ATXN1: variants seen among roughly 807,000 people sequenced by gnomAD.
ATXN1 encodes ataxin 1.
A neutral mutation model predicts 56.4 loss-of-function variants in ATXN1; 8 were observed. That is an observed-to-expected ratio of 0.14 (90% CI 0.08 to 0.26). The LOEUF (loss-of-function observed/expected upper bound fraction) is 0.26, where lower values mean the gene tolerates loss of function less well. ATXN1 is among the 10% of genes least tolerant of loss of function. ATXN1 has a pLI of 1.00. For missense variants in ATXN1, 987 were observed against 1,106.5 expected (o/e 0.89, Z 1.53); for synonymous variants, 514 against 494.6 (o/e 1.04, Z -0.52).
At chr6:16,725,025 T>C (rs1052568461) in intron 2 of ATXN1, among the ~76,000 whole-genome samples, 2 of 151,820 alleles carry the variant, frequency 1.3e-5, no homozygotes, top group African/African-American at 4.8e-5. Flanking sequence ...GTCAAACCTG[T>C]TAAACTAAAT....
chr6:16,315,717 C>T lies in ATXN1; in HGVS notation c.1918-8858G>A, dbSNP rs145582940. Among the ~76,000 whole-genome samples the T allele has an allele frequency of 3.9e-3, 599 of 152,204 alleles. 2 individuals carry two copies. Among genetic ancestry groups the T allele is most frequent in the African/African-American group, 0.014 (562 of 41,516 alleles). ...TTGTTCTGTTGCCCAGGCTGGAGTA[C>T]AGTAGCATGATCATGGCTCACTGCA... On this transcript the variant is annotated intron_variant, in intron 7 of 7. Coordinates refer to ENST00000436367, the MANE Select transcript of ATXN1 (RefSeq NM_001128164.2).
intron 6 of ATXN1, among the ~76,000 whole-genome samples, chr6:16,377,183 T>C (rs1762156544): frequency 6.6e-6 from 1 of 152,230 alleles, no homozygotes; most frequent in Admixed American, 6.5e-5. Flanking sequence ...CACCTTGATC[T>C]TGGACTTCCC....
chr6:16,741,157 C>A (rs1581411596), intron 2 of ATXN1, among the ~76,000 whole-genome samples: 1 of 152,152 alleles, frequency 6.6e-6, no homozygotes, highest in South Asian at 2.1e-4. Context: ...TCTGTTTTCT[C>A]CCCTAGAAAA....
At chr6:16,388,940 A>G (rs1758294687) in intron 6 of ATXN1, among the ~76,000 whole-genome samples, 1 of 152,178 alleles carries the variant, frequency 6.6e-6, no homozygotes, top group Admixed American at 6.5e-5. Context: ...GAGACTTTCT[A>G]TTTTACTTTG....
At chr6:16,738,300 G>C (rs1045012010) in intron 2 of ATXN1, 2 of 152,218 alleles carry the variant, frequency 1.3e-5, no homozygotes, top group Admixed American at 1.3e-4. Context: ...CAATTCTGAA[G>C]CTCAGTTCCT....
intron 1 of ATXN1, among the ~76,000 whole-genome samples, chr6:16,759,093 T>G (rs1350451124): frequency 6.6e-6 from 1 of 152,208 alleles, no homozygotes; most frequent in Non-Finnish European, 1.5e-5. Flanking sequence ...AACAGAAATG[T>G]CTCAGCTAAC....
chr6:16,368,343 CTTTTTTTTTTTTTTTT>C (rs10527935), intron 6 of ATXN1, among the ~76,000 whole-genome samples: 12,787 of 77,038 alleles, frequency 0.17, 2,016 homozygotes, highest in African/African-American at 0.44. Context: ...ACTTCTTCTT[CTTTTTTTTTTTTTTTT>C]TTTTTTTTGG....
chr6:16,725,113 T>C (rs945846905), intron 2 of ATXN1, among the ~76,000 whole-genome samples: 6 of 152,236 alleles, frequency 3.9e-5, no homozygotes, highest in Admixed American at 6.5e-5. Flanking sequence ...GAAGTGGCTA[T>C]ATGGTTTTAT....
At chr6:16,626,496 T>C (rs916670781) in intron 3 of ATXN1, among the ~76,000 whole-genome samples, 1 of 152,140 alleles carries the variant, frequency 6.6e-6, no homozygotes, top group Non-Finnish European at 1.5e-5. Context: ...TTCACCATGT[T>C]GGCCAGGCTG....
At chr6:16,676,670 G>C (rs1758667347) in intron 2 of ATXN1, among the ~76,000 whole-genome samples, 1 of 152,108 alleles carries the variant, frequency 6.6e-6, no homozygotes, top group African/African-American at 2.4e-5. Context: ...CCTATAAAAA[G>C]AATATAAAAT....
intron 5 of ATXN1, among the ~76,000 whole-genome samples, chr6:16,494,538 G>C (rs1760734738): frequency 6.6e-6 from 1 of 152,124 alleles, no homozygotes. Context: ...CTTATCATTA[G>C]CATGGCTTAT....
chr6:16,306,563 G>C lies in ATXN1; in HGVS notation c.2214C>G (p.Leu738=), dbSNP rs377559897. Residue 738 remains leucine (L), a synonymous_variant, in exon 8 of 8, where the codon CTC becomes CTG. Coordinates refer to ENST00000436367, the MANE Select transcript of ATXN1 (RefSeq NM_001128164.2). This position sits in a 1 kb window ranked among gnomAD's most constrained non-coding sequence, Gnocchi z 5.2. ...GAAACTTCAGTTCGCCATTCTCAGA[G>C]AGCATCTGGGCACTCCCCTGGTTGA... is the stretch of plus-strand genomic sequence containing the variant. The part of the protein sequence containing the change: ...NGINQGSAQM[L]SENGELKFPE... 7.4e-5 allele frequency: 119 copies of C among 1,614,100 alleles called. No homozygotes were observed. Among genetic ancestry groups the C allele is most frequent in the Non-Finnish European group, 8.8e-5 (104 of 1,180,054 alleles).
At chr6:16,662,507 T>C (rs1758340073) in intron 2 of ATXN1, among the ~76,000 whole-genome samples, 1 of 152,166 alleles carries the variant, frequency 6.6e-6, no homozygotes, top group Admixed American at 6.5e-5. Flanking sequence ...TAATTTTTTG[T>C]ATTTTTAGTA....
intron 6 of ATXN1, among the ~76,000 whole-genome samples, chr6:16,468,486 G>A (rs948022702): frequency 6.6e-6 from 1 of 152,180 alleles, no homozygotes; most frequent in Non-Finnish European, 1.5e-5. Context: ...ACCATGCCTG[G>A]CCCGGACTGG....
rs1761281463 is a variant in ATXN1 at position 16,521,181 on chromosome 6, G to A, written c.-299+1446C>T. ...ACACACAGTCAAGTTTACCTTCTGG[G>A]ATTCTAACTGAGAATCATATTCTTA... On this transcript the variant is annotated intron_variant, in intron 5 of 7. Coordinates refer to ENST00000436367, the MANE Select transcript of ATXN1 (RefSeq NM_001128164.2). 2.6e-5 allele frequency among the ~76,000 whole-genome samples: 4 copies of A among 152,094 alleles called. No individual in the cohort carries two copies. In the South Asian group the frequency reaches 6.2e-4, roughly 24 times the overall value.
intron 2 of ATXN1, among the ~76,000 whole-genome samples, chr6:16,693,749 T>C (rs899875392): frequency 6.6e-6 from 1 of 152,168 alleles, no homozygotes; most frequent in Non-Finnish European, 1.5e-5. Flanking sequence ...CCTAGTTTAT[T>C]ATGAAGTGTA....
chr6:16,484,940 AAT>A (rs1351275321), intron 6 of ATXN1, among the ~76,000 whole-genome samples: 14 of 123,130 alleles, frequency 1.1e-4, no homozygotes, highest in African/African-American at 2.4e-4. Context: ...TGGAAACCTA[AAT>A]ATATATGTGT....
intron 2 of ATXN1, among the ~76,000 whole-genome samples, chr6:16,688,963 T>C (rs1196085893): frequency 1.3e-5 from 2 of 151,978 alleles, no homozygotes; most frequent in African/African-American, 2.4e-5. Flanking sequence ...TGTGTATACA[T>C]GTGTATTGCA....
At chr6:16,668,991 C>T (rs1758485574) in intron 2 of ATXN1, among the ~76,000 whole-genome samples, 1 of 152,014 alleles carries the variant, frequency 6.6e-6, no homozygotes, top group Non-Finnish European at 1.5e-5. Flanking sequence ...CATAATTACT[C>T]TTTGAGAAAT....
Sources: gnomAD v4.1 joint callset for allele counts (sites outside exome capture counted in the v4.1 genomes callset) on GRCh38, gnomAD v4.1.1 for gene constraint, Gnocchi (gnomAD v3.1) non-coding constraint, MANE v1.5 for transcripts, NCBI Gene and HGNC (gene_info 2026-07-23, HGNC 2026-07-21) for gene names.